MAST4: variants seen among roughly 807,000 people sequenced by gnomAD.
The protein encoded by MAST4 is microtubule associated serine/threonine kinase family member 4, also known as microtubule-associated serine/threonine-protein kinase 4.
In MAST4, 89 loss-of-function variants were observed where a neutral mutation model predicts 162.7. The observed-to-expected ratio is 0.55, with a 90% CI of 0.46 to 0.65. The LOEUF (loss-of-function observed/expected upper bound fraction) is 0.65, where lower values mean the gene tolerates loss of function less well. Among genes scored for constraint, MAST4 ranks in the 30% least tolerant of loss-of-function variants. The probability of loss-of-function intolerance (pLI) is 0.00; values close to 1 mark genes in which losing one functional copy is unlikely to be tolerated. For synonymous variants in MAST4, 1,479 were observed against 1,361.1 expected, an observed-to-expected ratio of 1.09 and a Z score of -1.91; for missense variants, 3,153 against 3,374.0, an observed-to-expected ratio of 0.93 and a Z score of 1.62.
At chr5:66,704,736 G>A (rs1488823781) in intron 1 of MAST4, among the ~76,000 whole-genome samples, 3 of 152,008 alleles carry the variant, frequency 2.0e-5, no homozygotes, top group South Asian at 2.1e-4. Context: ...TCCTGACCTC[G>A]TGATCCGCCT....
At chr5:66,795,614 G>A (rs1278498167) in intron 3 of MAST4, among the ~76,000 whole-genome samples, 1 of 152,188 alleles carries the variant, frequency 6.6e-6, no homozygotes, top group African/African-American at 2.4e-5. Flanking sequence ...TTATGCTTTA[G>A]TGAAATCAAT....
intron 4 of MAST4, among the ~76,000 whole-genome samples, chr5:66,977,012 C>A (rs770604060): frequency 6.6e-6 from 1 of 152,096 alleles, no homozygotes; most frequent in African/African-American, 2.4e-5. Context: ...TTAAACCAAG[C>A]GACAGATCTC....
chr5:66,610,826 C>A lies in MAST4; in HGVS notation c.363+13808C>A, dbSNP rs375565059. ...CCAGCCACGTTGTGGCTCTGGGGAG[C>A]CTCTTGAAGACATGGCCATGACCTT... On this transcript the variant is annotated intron_variant, in intron 1 of 28. Transcript: ENST00000403625. Among the ~76,000 whole-genome samples, 10 of 152,342 alleles carry A rather than the reference C, an allele frequency of 6.6e-5. No individual in the cohort carries two copies. The East Asian group carries it at 1.9e-3, about 29-fold the overall frequency.
chr5:66,885,458 C>T (rs1462924154), intron 3 of MAST4, among the ~76,000 whole-genome samples: 2 of 152,142 alleles, frequency 1.3e-5, no homozygotes, highest in African/African-American at 4.8e-5. Context: ...GTAATGAAAG[C>T]TATGCAAGAT....
chr5:67,141,089 A>G (rs1420814498), intron 19 of MAST4, among the ~76,000 whole-genome samples: 1 of 152,124 alleles, frequency 6.6e-6, no homozygotes, highest in Non-Finnish European at 1.5e-5. Context: ...ACCCCCAACC[A>G]AGATTCACAG....
intron 1 of MAST4, among the ~76,000 whole-genome samples, chr5:66,708,043 G>A (rs1465068366): frequency 1.3e-5 from 2 of 152,168 alleles, no homozygotes; most frequent in Admixed American, 1.3e-4. Context: ...GATGTCGCTG[G>A]TAGGTCCGTT....
chr5:66,919,131 C>CACACACACAG (rs1393753464), intron 4 of MAST4, among the ~76,000 whole-genome samples: 21 of 149,680 alleles, frequency 1.4e-4, no homozygotes, highest in African/African-American at 5.1e-4. Context: ...CACACACACA[C>CACACACACAG]ACACACAAAT....
At chr5:66,814,284 G>A (rs1463723639) in intron 3 of MAST4, among the ~76,000 whole-genome samples, 1 of 152,210 alleles carries the variant, frequency 6.6e-6, no homozygotes, top group African/African-American at 2.4e-5. Flanking sequence ...CTCAGTGCTA[G>A]GGAGCTCTTG....
chr5:66,789,864 G>A, intron 3 of MAST4: 1 of 453,636 alleles, frequency 2.2e-6, no homozygotes, highest in South Asian at 1.6e-5. Context: ...TTCTATGTTT[G>A]AAAATGGTGA....
chr5:66,664,069 G>C (rs1454027152), intron 1 of MAST4, among the ~76,000 whole-genome samples: 3 of 152,108 alleles, frequency 2.0e-5, no homozygotes, highest in East Asian at 3.9e-4. Flanking sequence ...GAGGTACCAA[G>C]AGTTTCTGGT....
intron 1 of MAST4, among the ~76,000 whole-genome samples, chr5:66,617,429 A>G (rs1743765869): frequency 6.6e-6 from 1 of 152,006 alleles, no homozygotes; most frequent in Admixed American, 6.6e-5. Flanking sequence ...TGATTTCAAA[A>G]CCAGTGTTTT....
At chr5:66,784,625 TATTA>T (rs1755027316) in intron 2 of MAST4, among the ~76,000 whole-genome samples, 2 of 152,176 alleles carry the variant, frequency 1.3e-5, no homozygotes, top group Non-Finnish European at 2.9e-5. Context: ...CAAGAAGAAA[TATTA>T]ATTGTTTCAA....
chr5:66,776,605 ATTC>A (rs1026507660), intron 2 of MAST4, among the ~76,000 whole-genome samples: 47 of 152,326 alleles, frequency 3.1e-4, no homozygotes, highest in African/African-American at 1.1e-3. Flanking sequence ...AAACTTAAAT[ATTC>A]TTCTAGGCAG....
At chr5:67,101,170 C>T (rs1764985148) in intron 8 of MAST4, among the ~76,000 whole-genome samples, 2 of 152,114 alleles carry the variant, frequency 1.3e-5, no homozygotes, top group Admixed American at 6.5e-5. Flanking sequence ...TCTTGTTCAG[C>T]ATGTTTCTTA....
At chr5:66,876,505 C>T (rs1761310460) in intron 3 of MAST4, among the ~76,000 whole-genome samples, 1 of 152,020 alleles carries the variant, frequency 6.6e-6, no homozygotes, top group African/African-American at 2.4e-5. Context: ...GGTCATGTGC[C>T]CTATTTTCAA....
chr5:67,136,757 A>C (rs1050615253), intron 19 of MAST4, 93 bp downstream of exon 19: 1 of 886,514 alleles, frequency 1.1e-6, no homozygotes, highest in Admixed American at 2.1e-5. Flanking sequence ...TGCTTTTTGC[A>C]TAGGCAACAT....
chr5:66,688,149 A>G (rs16895458), intron 1 of MAST4, among the ~76,000 whole-genome samples: 23,423 of 152,136 alleles, frequency 0.15, 2,273 homozygotes, highest in East Asian at 0.26. Context: ...TTTTTAGCAC[A>G]CTTCCCAGTA....
intron 3 of MAST4, chr5:66,870,639 T>C: frequency 2.8e-6 from 1 of 358,272 alleles, no homozygotes; most frequent in East Asian, 7.5e-5. Flanking sequence ...GTGTTTTTGT[T>C]ATTGATGTTT....
intron 5 of MAST4, among the ~76,000 whole-genome samples, chr5:67,089,278 G>A (rs904418105): frequency 1.3e-5 from 2 of 152,194 alleles, no homozygotes; most frequent in Non-Finnish European, 2.9e-5. Context: ...GGGTGGTCTG[G>A]AGTGTCCTGA....
Sources: gnomAD v4.1 joint callset for allele counts (sites outside exome capture counted in the v4.1 genomes callset) on GRCh38, gnomAD v4.1.1 for gene constraint, MANE v1.5 for transcripts, NCBI Gene and HGNC (gene_info 2026-07-23, HGNC 2026-07-21) for gene names.